The following SLU7 variants were observed in gnomAD, a reference collection of about 807,000 sequenced individuals.
SLU7 encodes the protein spliceosome associated SLU7.
A neutral mutation model predicts 87.0 loss-of-function variants in SLU7; 60 were observed. That is an observed-to-expected ratio of 0.69 (90% CI 0.56 to 0.86). SLU7 has a LOEUF of 0.86. Among genes scored for constraint, SLU7 ranks in the 40% least tolerant of loss-of-function variants. The pLI, the probability that SLU7 is intolerant of heterozygous loss-of-function variation, is 0.00. For missense variants in SLU7, 507 were observed against 686.6 expected (o/e 0.74, Z 2.92); for synonymous variants, 197 against 222.0 (o/e 0.89, Z 1.00).
In SLU7 at chr5:160,412,477, C is replaced by G; in HGVS notation, c.613G>C (p.Ala205Pro). 1 of 1,545,946 alleles carries G rather than the reference C, an allele frequency of 6.5e-7. No individual in the cohort carries two copies. The highest frequency in any genetic ancestry group is 8.8e-7 in the Non-Finnish European group (1 of 1,141,162). ...GCCTGTTCCACTAATTTTCCTGAGG[C>G]TAATTCCTCTTGGAGTTTCTGGGCT... ...LKAQKLQEEL[A>P]SGKLVEQANS... The change falls in exon 6 of 16, where the codon GCC becomes CCC. Residue 205 changes from alanine (A) to proline (P), a missense_variant. By Grantham distance (27) the Ala-to-Pro change is conservative (BLOSUM62 -1). Around this residue, in one of 6 missense-constraint regions of SLU7, gnomAD observed 155 missense variants for 154.4 expected, o/e 1.00. Transcript: ENST00000297151.
chr5:160,414,138 T>C, intron 3 of SLU7, 159 bp from the exon 4 acceptor site: 1 of 687,422 alleles, frequency 1.5e-6, no homozygotes, highest in Non-Finnish European at 2.3e-6. Flanking sequence ...TTTAAAGAGT[T>C]CAGGAGTGTA....
Position 160,403,419 on chromosome 5 carries a change from T to A in SLU7, c.1627A>T (p.Met543Leu). 1 of 1,612,952 alleles carries A rather than the reference T, an allele frequency of 6.2e-7. No homozygotes were observed. Among genetic ancestry groups the A allele is most frequent in the Non-Finnish European group, 8.5e-7 (1 of 1,179,586 alleles). The change falls in exon 16 of 16, where the codon ATG becomes TTG. Residue 543 changes from methionine to leucine, a missense_variant. This residue lies in a region of SLU7 where 201 missense variants were observed against 213.4 expected (regional missense o/e 0.94). Coordinates refer to ENST00000297151, the MANE Select transcript of SLU7 (RefSeq NM_006425.5). ...EARLLHVKET[M>L]QIDERKRPYN... The stretch of plus-strand genomic sequence containing the variant: ...GGCCGCTTCCTCTCATCAATCTGCA[T>A]GGTCTCCTTGACATGAAGAAGGCGG...
At chr5:160,418,482 G>A (rs755802719) in intron 1 of SLU7, 2 of 152,208 alleles carry the variant, frequency 1.3e-5, no homozygotes, top group Non-Finnish European at 2.9e-5. Flanking sequence ...TAGTCACCAA[G>A]TTGTACGCAC....
At chr5:160,405,448 T>C (rs916245056) in intron 12 of SLU7, among the ~76,000 whole-genome samples, 2 of 152,250 alleles carry the variant, frequency 1.3e-5, no homozygotes, top group Admixed American at 1.3e-4. Flanking sequence ...CAGCTGTTGC[T>C]GAACAGTGGA....
chr5:160,405,819 C>T (rs1387084732), intron 12 of SLU7, among the ~76,000 whole-genome samples: 1 of 152,068 alleles, frequency 6.6e-6, no homozygotes, highest in Non-Finnish European at 1.5e-5. Flanking sequence ...AATTTACAAA[C>T]TAATTGGCCT....
At chr5:160,416,209 G>C (rs897443147) in intron 1 of SLU7, among the ~76,000 whole-genome samples, 1 of 151,886 alleles carries the variant, frequency 6.6e-6, no homozygotes, top group Non-Finnish European at 1.5e-5. Flanking sequence ...GGTTTTTCTT[G>C]TACCTCTCTT....
intron 6 of SLU7, among the ~76,000 whole-genome samples, chr5:160,410,776 G>A (rs981392754): frequency 3.9e-5 from 6 of 151,980 alleles, no homozygotes; most frequent in African/African-American, 4.8e-5. Flanking sequence ...ATTACCCAGT[G>A]TTTACTATGT....
chr5:160,404,716 TTC>T, intron 14 of SLU7, 91 bp downstream of exon 14: 1 of 980,440 alleles, frequency 1.0e-6, no homozygotes, highest in Non-Finnish European at 1.6e-6. Flanking sequence ...CAGAATGAGA[TTC>T]TGTTTCAAAA....
At chr5:160,409,373 TC>T (rs1396980051) in intron 6 of SLU7, among the ~76,000 whole-genome samples, 1 of 152,106 alleles carries the variant, frequency 6.6e-6, no homozygotes, top group Non-Finnish European at 1.5e-5. Context: ...TGGTATTTCA[TC>T]ATGTCCCTTC....
intron 14 of SLU7, 126 bp from the exon 15 acceptor site, chr5:160,404,682 T>A (rs1246454294): frequency 1.0e-5 from 9 of 862,948 alleles, no homozygotes; most frequent in Non-Finnish European, 1.7e-5. Context: ...GCCCAGACCG[T>A]GCACTGCGCT....
chr5:160,417,630 A>G (rs1035601482), intron 1 of SLU7, among the ~76,000 whole-genome samples: 14 of 152,150 alleles, frequency 9.2e-5, no homozygotes, highest in African/African-American at 2.9e-4. Flanking sequence ...GCTACTAAGC[A>G]TATACAAAAA....
intron 5 of SLU7, among the ~76,000 whole-genome samples, chr5:160,412,844 C>T (rs1051760326): frequency 1.3e-5 from 2 of 151,874 alleles, no homozygotes; most frequent in African/African-American, 4.8e-5. Flanking sequence ...CTGACTCTTA[C>T]CAGGCAGGCG....
rs1561551143 is a variant in SLU7 at position 160,402,718 on chromosome 5, C to T, written c.*567G>A. ...AGAGCCAAGGCTTTTTTACATGACT[C>T]ACATAAAACTGGAAATAGGCCAGGC... On this transcript the variant is annotated 3_prime_UTR_variant, in exon 16 of 16. Coordinates refer to ENST00000297151, the MANE Select transcript of SLU7 (RefSeq NM_006425.5). The T allele has an allele frequency of 6.6e-6, 1 of 152,096 alleles. No individual in the cohort carries two copies. Among genetic ancestry groups the T allele is most frequent in the African/African-American group, 2.4e-5 (1 of 41,402 alleles). The allele number at this position is 152,096 out of a possible 1,614,324, so 9.4% of individuals were successfully genotyped here.
At chr5:160,404,615 A>G (rs1472606555) in intron 14 of SLU7, 59 bp from the exon 15 acceptor site, 1 of 1,184,804 alleles carries the variant, frequency 8.4e-7, no homozygotes, top group East Asian at 2.4e-5. Flanking sequence ...CAGGTGCACT[A>G]CTTGGGCGGC....
At chr5:160,416,529 T>C (rs1373039192) in intron 1 of SLU7, among the ~76,000 whole-genome samples, 3 of 152,218 alleles carry the variant, frequency 2.0e-5, no homozygotes, top group Non-Finnish European at 4.4e-5. Context: ...TCTCATGATC[T>C]TCCCTCTGAA....
In SLU7 at chr5:160,407,662, T is replaced by A. The variant is rs747796625; in HGVS notation, c.986-47A>T. The A allele has an allele frequency of 6.2e-7, 1 of 1,603,468 alleles. No individual in the cohort carries two copies. The highest frequency in any genetic ancestry group is 2.2e-5 in the East Asian group (1 of 44,790). On this transcript the variant is annotated intron_variant, in intron 10 of 15. Coordinates refer to ENST00000297151, the MANE Select transcript of SLU7 (RefSeq NM_006425.5). This position sits in a 1 kb window ranked among gnomAD's most constrained non-coding sequence, Gnocchi z 4.2. The stretch of plus-strand genomic sequence containing the variant: ...TAGTGAGTTGGCAGCTGCATTACTG[T>A]ATGCTTCTTGAAAACAAGCTTTAAA...
intron 6 of SLU7, among the ~76,000 whole-genome samples, chr5:160,411,254 T>TA (rs1486162992): frequency 6.6e-6 from 1 of 151,020 alleles, no homozygotes; most frequent in Non-Finnish European, 1.5e-5. Flanking sequence ...TTGATTGAGA[T>TA]AGAGTCTCGC....
chr5:160,403,427 T>G lies in SLU7; in HGVS notation c.1619A>C (p.Lys540Thr), dbSNP rs903128075. Residue 540 changes from lysine (K) to threonine (T), a missense_variant, in exon 16 of 16, where the codon AAG becomes ACG. By Grantham distance (78) the Lys-to-Thr change is moderately conservative. This residue lies in a region of SLU7 where 201 missense variants were observed against 213.4 expected (regional missense o/e 0.94). Transcript: ENST00000297151. The part of the protein sequence containing the change: ...NAEEARLLHV[K>T]ETMQIDERKR... The stretch of plus-strand genomic sequence containing the variant: ...CCTCTCATCAATCTGCATGGTCTCC[T>G]TGACATGAAGAAGGCGGGCCTCCTC... 5 of 1,612,046 alleles carry G rather than the reference T, an allele frequency of 3.1e-6. No homozygotes were observed. In the African/African-American group the frequency reaches 6.7e-5, roughly 22 times the overall value.
At chr5:160,403,733 G>A (rs1390740135) in intron 15 of SLU7, among the ~76,000 whole-genome samples, 3 of 152,246 alleles carry the variant, frequency 2.0e-5, no homozygotes, top group East Asian at 3.9e-4. Context: ...AATTAAATGA[G>A]GTTCACTTTA....
Sources: allele counts gnomAD v4.1 joint callset (sites outside exome capture counted in the v4.1 genomes callset), GRCh38; gene constraint gnomAD v4.1.1; regional missense constraint gnomAD v4.1.1; non-coding constraint Gnocchi (gnomAD v3.1); transcripts MANE v1.5; gene names NCBI Gene and HGNC (gene_info 2026-07-23, HGNC 2026-07-21).